Variants in CAMTA1 observed in about 807,000 individuals in gnomAD.
CAMTA1 encodes the protein calmodulin binding transcription activator 1.
CAMTA1 carries 27 observed loss-of-function variants against 170.9 expected under a neutral mutation model. The ratio of observed to expected loss-of-function variants is 0.16; its 90% CI spans 0.12 to 0.22. The LOEUF (loss-of-function observed/expected upper bound fraction) is 0.22, where lower values mean the gene tolerates loss of function less well. Ranked by LOEUF, CAMTA1 falls within the 10% of genes least tolerant of loss-of-function variation. CAMTA1 has a pLI of 1.00. For missense variants in CAMTA1, 1,619 were observed against 2,217.2 expected, an observed-to-expected ratio of 0.73 and a Z score of 5.42; for synonymous variants, 833 against 891.5, an observed-to-expected ratio of 0.93 and a Z score of 1.17.
At chr1:6,809,199 G>C (rs903657316) in intron 1 of CAMTA1, among the ~76,000 whole-genome samples, 1 of 151,864 alleles carries the variant, frequency 6.6e-6, no homozygotes, top group Non-Finnish European at 1.5e-5. Context: ...GCTAATTTTC[G>C]TATTTTTAGT....
chr1:7,704,465 C>A (rs1203425805), intron 11 of CAMTA1, among the ~76,000 whole-genome samples: 1 of 145,886 alleles, frequency 6.9e-6, no homozygotes, highest in Non-Finnish European at 1.5e-5. Flanking sequence ...GACCGGGGGC[C>A]CGGCTCTCGC....
intron 3 of CAMTA1, among the ~76,000 whole-genome samples, chr1:6,926,474 TTCTTTCTTTCTTTC>T (rs1360384823): frequency 2.3e-4 from 32 of 137,912 alleles, no homozygotes; most frequent in African/African-American, 3.0e-4. Context: ...CTTTCTTTCT[TTCTTTCTTTCTTTC>T]TCTCTCTCTT....
At chr1:7,107,776 G>T (rs965870783) in intron 4 of CAMTA1, among the ~76,000 whole-genome samples, 1 of 152,156 alleles carries the variant, frequency 6.6e-6, no homozygotes, top group African/African-American at 2.4e-5. Context: ...GTCTAGATGG[G>T]CACTGCGAGG....
chr1:6,957,000 G>A (rs1275078224), intron 3 of CAMTA1, among the ~76,000 whole-genome samples: 3 of 152,194 alleles, frequency 2.0e-5, no homozygotes, highest in African/African-American at 4.8e-5. Flanking sequence ...GCTGGGCTGC[G>A]AGGCCTGCCC....
At chr1:7,563,963 G>T (rs2094998296) in intron 6 of CAMTA1, among the ~76,000 whole-genome samples, 1 of 152,212 alleles carries the variant, frequency 6.6e-6, no homozygotes, top group Non-Finnish European at 1.5e-5. Context: ...AGGAGGGGCT[G>T]GGTGGGGGGT....
intron 5 of CAMTA1, among the ~76,000 whole-genome samples, chr1:7,420,366 T>C (rs1259104341): frequency 6.6e-6 from 1 of 152,148 alleles, no homozygotes; most frequent in Non-Finnish European, 1.5e-5. Flanking sequence ...TTTCTTACCA[T>C]GTACAGTGCT....
intron 5 of CAMTA1, among the ~76,000 whole-genome samples, chr1:7,424,595 G>A (rs931370193): frequency 7.2e-5 from 11 of 152,136 alleles, no homozygotes; most frequent in African/African-American, 2.4e-4. Flanking sequence ...CAGCTGACAC[G>A]TTGTAAGAAA....
intron 3 of CAMTA1, among the ~76,000 whole-genome samples, chr1:6,861,973 T>TTA (rs1664863588): frequency 6.6e-6 from 1 of 151,638 alleles, no homozygotes; most frequent in African/African-American, 2.4e-5. Flanking sequence ...TCTTTTTTTT[T>TTA]TTTTTTTGAG....
chr1:7,157,894 T>A (rs1005332766), intron 4 of CAMTA1, among the ~76,000 whole-genome samples: 2 of 152,074 alleles, frequency 1.3e-5, no homozygotes, highest in African/African-American at 4.8e-5. Context: ...GCGCGGTGGC[T>A]CACACCTGTA....
At chr1:7,709,096 G>A (rs545169825) in intron 11 of CAMTA1, among the ~76,000 whole-genome samples, 5 of 152,212 alleles carry the variant, frequency 3.3e-5, no homozygotes, top group East Asian at 3.9e-4. Flanking sequence ...TGTGCCTACC[G>A]TCACCCATAC....
intron 5 of CAMTA1, among the ~76,000 whole-genome samples, chr1:7,403,305 T>A (rs2090046221): frequency 6.6e-6 from 1 of 151,970 alleles, no homozygotes; most frequent in African/African-American, 2.4e-5. Context: ...ACCAGGATCG[T>A]ACCACTGCAC....
At chr1:7,153,825 T>G (rs1646714871) in intron 4 of CAMTA1, among the ~76,000 whole-genome samples, 1 of 152,168 alleles carries the variant, frequency 6.6e-6, no homozygotes, top group Non-Finnish European at 1.5e-5. Flanking sequence ...CTTGGGAGCA[T>G]TTCATGAATG....
chr1:7,088,122 G>A (rs997962593), intron 3 of CAMTA1, among the ~76,000 whole-genome samples: 3 of 152,186 alleles, frequency 2.0e-5, no homozygotes, highest in Non-Finnish European at 2.9e-5. Flanking sequence ...TGGCGGGTGA[G>A]TCCATCTTTG....
At chr1:6,985,843 C>T (rs531953058) in intron 3 of CAMTA1, among the ~76,000 whole-genome samples, 2 of 152,298 alleles carry the variant, frequency 1.3e-5, no homozygotes, top group East Asian at 1.9e-4. Flanking sequence ...TTTCACACAT[C>T]GCTGACTAAC....
At chr1:7,545,957 CTTTTTTTTTT>C (rs70987353) in intron 6 of CAMTA1, among the ~76,000 whole-genome samples, 1 of 131,516 alleles carries the variant, frequency 7.6e-6, no homozygotes, top group Non-Finnish European at 1.6e-5. Flanking sequence ...CTTTTCTTTT[CTTTTTTTTTT>C]TTTTTTGAGA....
intron 5 of CAMTA1, among the ~76,000 whole-genome samples, chr1:7,379,923 G>A (rs758027224): frequency 5.3e-5 from 8 of 152,346 alleles, no homozygotes; most frequent in Admixed American, 2.0e-4. Context: ...TGAGGCTGCG[G>A]CCAGGCAGAA....
At chr1:7,263,617 T>C (rs929469156) in intron 5 of CAMTA1, among the ~76,000 whole-genome samples, 5 of 152,164 alleles carry the variant, frequency 3.3e-5, no homozygotes, top group African/African-American at 1.2e-4. Flanking sequence ...TAACCCTTTT[T>C]CCCGGGTGTA....
At position 7,665,474 on chromosome 1, in the gene CAMTA1, G is replaced by A. The variant is rs1232772775; in HGVS notation, c.2652+275G>A. On this transcript the variant is annotated intron_variant, in intron 9 of 22. Coordinates refer to ENST00000303635, the MANE Select transcript of CAMTA1 (RefSeq NM_015215.4). This position sits in a 1 kb window ranked among gnomAD's most constrained non-coding sequence, Gnocchi z 4.3. Reference sequence around the variant, plus strand: ...CAAACCTGTAATCCCAGAACTTTGGGAGGCCGAGGCAGGAGGATCATCTGA... The same window carrying A: ...CAAACCTGTAATCCCAGAACTTTGGAAGGCCGAGGCAGGAGGATCATCTGA... Among the ~76,000 whole-genome samples the A allele has an allele frequency of 6.6e-6, 1 of 152,200 alleles. No individual in the cohort carries two copies. Among genetic ancestry groups the A allele is most frequent in the Non-Finnish European group, 1.5e-5 (1 of 68,032 alleles).
intron 12 of CAMTA1, among the ~76,000 whole-genome samples, chr1:7,735,926 C>T (rs1020381848): frequency 6.6e-6 from 1 of 152,116 alleles, no homozygotes; most frequent in African/African-American, 2.4e-5. Context: ...GCACCCACCA[C>T]CACGCCTGGC....
Sources: gnomAD v4.1 joint callset for allele counts (sites outside exome capture counted in the v4.1 genomes callset) on GRCh38, gnomAD v4.1.1 for gene constraint, Gnocchi (gnomAD v3.1) non-coding constraint, MANE v1.5 for transcripts, NCBI Gene and HGNC (gene_info 2026-07-23, HGNC 2026-07-21) for gene names.